The following PPFIA1 variants were observed in gnomAD, a reference collection of about 807,000 sequenced individuals.
PPFIA1 encodes the protein PPFI scaffold protein A1.
Under a neutral mutation model 149.9 loss-of-function variants are expected in PPFIA1, and 25 were observed. The ratio of observed to expected loss-of-function variants is 0.17; its 90% CI spans 0.12 to 0.23. The LOEUF (loss-of-function observed/expected upper bound fraction) is 0.23. PPFIA1 is among the 10% of genes least tolerant of loss of function. The pLI, the probability that PPFIA1 is intolerant of heterozygous loss-of-function variation, is 1.00. For missense variants in PPFIA1, 1,362 were observed against 1,506.5 expected, an observed-to-expected ratio of 0.90 and a Z score of 1.59; for synonymous variants, 549 against 552.8, an observed-to-expected ratio of 0.99 and a Z score of 0.10.
intron 2 of PPFIA1, among the ~76,000 whole-genome samples, chr11:70,295,563 C>T (rs2051899489): frequency 7.1e-6 from 1 of 141,768 alleles, no homozygotes; most frequent in Non-Finnish European, 1.5e-5. Flanking sequence ...GGGGGGCTGA[C>T]CCCCCCACCT....
At chr11:70,345,629 C>G (rs2055642758) in intron 15 of PPFIA1, among the ~76,000 whole-genome samples, 1 of 151,888 alleles carries the variant, frequency 6.6e-6, no homozygotes, top group South Asian at 2.1e-4. Flanking sequence ...TTCAGACCAG[C>G]CTTGGCAACA....
intron 13 of PPFIA1, 119 bp downstream of exon 13, chr11:70,338,572 A>G: frequency 2.7e-6 from 2 of 742,372 alleles, no homozygotes; most frequent in Middle Eastern, 3.0e-4. Flanking sequence ...CCTGTAGCTT[A>G]GTAGGAAGCG....
At chr11:70,311,037 G>C (rs747721060) in intron 2 of PPFIA1, among the ~76,000 whole-genome samples, 3 of 152,194 alleles carry the variant, frequency 2.0e-5, no homozygotes, top group Non-Finnish European at 4.4e-5. Context: ...GACATTCTTG[G>C]AGGATTTTTG....
intron 10 of PPFIA1, among the ~76,000 whole-genome samples, chr11:70,334,832 C>A (rs2054876674): frequency 6.6e-6 from 1 of 152,218 alleles, no homozygotes; most frequent in African/African-American, 2.4e-5. Context: ...GGGAGGAGCC[C>A]CCTGAGCACT....
intron 10 of PPFIA1, chr11:70,334,356 G>C (rs2054845612): frequency 6.6e-6 from 1 of 152,092 alleles, no homozygotes; most frequent in African/African-American, 2.4e-5. Flanking sequence ...GTTTTCACCA[G>C]AAATCTGTAT....
intron 2 of PPFIA1, among the ~76,000 whole-genome samples, chr11:70,311,466 A>G (rs1345530231): frequency 6.6e-6 from 1 of 152,204 alleles, no homozygotes; most frequent in Non-Finnish European, 1.5e-5. Flanking sequence ...TACTGCTAAG[A>G]ACTGAATTAA....
At chr11:70,356,287 A>G (rs1351571815) in intron 19 of PPFIA1, 33 bp downstream of exon 19, 2 of 1,550,480 alleles carry the variant, frequency 1.3e-6, no homozygotes, top group Non-Finnish European at 1.8e-6. Flanking sequence ...ATCTCATTGA[A>G]TGGTTTTCAG....
intron 2 of PPFIA1, among the ~76,000 whole-genome samples, chr11:70,314,800 A>G (rs567066661): frequency 1.3e-5 from 2 of 152,348 alleles, no homozygotes; most frequent in African/African-American, 4.8e-5. Flanking sequence ...ATATTGTATT[A>G]GTCCGTTCTC....
At chr11:70,297,776 G>A (rs577742310) in intron 2 of PPFIA1, among the ~76,000 whole-genome samples, 5 of 152,266 alleles carry the variant, frequency 3.3e-5, no homozygotes, top group Middle Eastern at 6.8e-3. Context: ...TCTGTGCTCC[G>A]AGGTTGTCAC....
chr11:70,298,959 C>T (rs1054448512), intron 2 of PPFIA1, among the ~76,000 whole-genome samples: 2 of 152,168 alleles, frequency 1.3e-5, no homozygotes, highest in Admixed American at 6.5e-5. Flanking sequence ...ATGTTCTGGG[C>T]CGGGCACAGT....
intron 2 of PPFIA1, among the ~76,000 whole-genome samples, chr11:70,320,852 C>T (rs534520895): frequency 2.6e-5 from 4 of 152,272 alleles, no homozygotes; most frequent in Non-Finnish European, 5.9e-5. Flanking sequence ...AATGCAAGGC[C>T]TGGGATGAGC....
Position 70,378,146 on chromosome 11 carries a change from T to G in PPFIA1, c.3501T>G (p.Thr1167=). 6.2e-7 allele frequency: 1 copy of G among 1,614,158 alleles called. No individual in the cohort carries two copies. The highest frequency in any genetic ancestry group is 8.5e-7 in the Non-Finnish European group (1 of 1,180,004). ...AETLPANFRV[T]SSMSSPSMQP... ...CTCTCCCTGCAAACTTCCGGGTGAC[T>G]TCTTCTATGTCTTCCCCCTCTATGC... is the stretch of plus-strand genomic sequence containing the variant. Residue 1167 remains threonine, a synonymous_variant, in exon 26 of 28, where the codon ACT becomes ACG. Transcript: ENST00000253925.
chr11:70,273,628 T>A (rs1489225754), intron 2 of PPFIA1, among the ~76,000 whole-genome samples: 1 of 152,240 alleles, frequency 6.6e-6, no homozygotes, highest in African/African-American at 2.4e-5. Context: ...TCAGTTCTCC[T>A]GAAAGATTGA....
intron 2 of PPFIA1, among the ~76,000 whole-genome samples, chr11:70,300,127 C>T (rs911733492): frequency 2.0e-5 from 3 of 150,974 alleles, no homozygotes; most frequent in African/African-American, 7.3e-5. Context: ...CCACAGATCT[C>T]CCTCCATCAC....
chr11:70,323,294 C>A (rs1281935887), intron 2 of PPFIA1, among the ~76,000 whole-genome samples: 1 of 152,158 alleles, frequency 6.6e-6, no homozygotes, highest in Non-Finnish European at 1.5e-5. Flanking sequence ...GGTCTTATGG[C>A]GGCAGCCAGG....
chr11:70,328,643 A>G (rs113664872), intron 7 of PPFIA1, among the ~76,000 whole-genome samples: 2,831 of 152,014 alleles, frequency 0.019, 89 homozygotes, highest in African/African-American at 0.065. Context: ...TCTTTGAGGA[A>G]TCTCCACACT....
At chr11:70,335,870 T>C (rs971130345) in intron 11 of PPFIA1, among the ~76,000 whole-genome samples, 176 bp downstream of exon 11, 4 of 152,218 alleles carry the variant, frequency 2.6e-5, no homozygotes, top group African/African-American at 9.6e-5. Context: ...AACTTATTGT[T>C]TGCTAAGTCC....
intron 2 of PPFIA1, among the ~76,000 whole-genome samples, chr11:70,274,949 CTT>C (rs1397077379): frequency 6.6e-6 from 1 of 152,174 alleles, no homozygotes; most frequent in Non-Finnish European, 1.5e-5. Flanking sequence ...TATGTGTACA[CTT>C]CTGTTGGATT....
At chr11:70,340,043 C>T (rs886706580) in intron 14 of PPFIA1, among the ~76,000 whole-genome samples, 4 of 151,740 alleles carry the variant, frequency 2.6e-5, no homozygotes, top group Non-Finnish European at 5.9e-5. Context: ...GAGTGCAGTG[C>T]CTCACACCTG....
Sources: gnomAD v4.1 joint callset for allele counts (sites outside exome capture counted in the v4.1 genomes callset) on GRCh38, gnomAD v4.1.1 for gene constraint, MANE v1.5 for transcripts, NCBI Gene and HGNC (gene_info 2026-07-23, HGNC 2026-07-21) for gene names.